FTCDNL1: variants seen among roughly 807,000 people sequenced by gnomAD.
FTCDNL1 encodes the protein formiminotransferase N-terminal subdomain-containing protein.
Under a neutral mutation model 5.9 loss-of-function variants are expected in FTCDNL1, and 11 were observed. The observed-to-expected ratio is 1.87, with a 90% CI of 1.18 to 3.10. FTCDNL1 has a LOEUF of 3.10. FTCDNL1 is among the 30% of genes most tolerant of loss of function. The pLI is 0.00. For missense variants in FTCDNL1, 115 were observed against 65.5 expected (o/e 1.76, Z -2.61); for synonymous variants, 58 against 24.8 (o/e 2.34, Z -3.99).
rs1161270369 is a variant in FTCDNL1, at chr2:199,809,563, A to G, written c.*3142T>C. The stretch of plus-strand genomic sequence containing the variant: ...TACTAAGGATTTAATTAAAATTGCC[A>G]TCATTGACACATAGCTTCTTTTAGT... On this transcript the variant is annotated 3_prime_UTR_variant, in exon 5 of 5. Transcript: ENST00000420128. Among the ~76,000 whole-genome samples the G allele has an allele frequency of 6.6e-6, 1 of 151,720 alleles. No homozygotes were observed. Among genetic ancestry groups the G allele is most frequent in the East Asian group, 1.9e-4 (1 of 5,160 alleles).
At chr2:199,830,075 A>G (rs1032731991) in intron 3 of FTCDNL1, among the ~76,000 whole-genome samples, 2 of 152,150 alleles carry the variant, frequency 1.3e-5, no homozygotes, top group Non-Finnish European at 2.9e-5. Context: ...TAAAAATTAA[A>G]CTGGGTGCTA....
chr2:199,840,758 T>A (rs1264034735), intron 3 of FTCDNL1, among the ~76,000 whole-genome samples: 1 of 152,084 alleles, frequency 6.6e-6, no homozygotes, highest in Non-Finnish European at 1.5e-5. Flanking sequence ...CTACAGTATG[T>A]GATTTTTAGC....
At chr2:199,758,361 C>T (rs188718983), downstream of FTCDNL1, among the ~76,000 whole-genome samples, 1 of 150,394 alleles carries the variant, frequency 6.6e-6, no homozygotes, top group Non-Finnish European at 1.5e-5. Flanking sequence ...ATATGCAATT[C>T]ATAGAATTGG....
At chr2:199,820,417 A>G (rs116717355) in intron 3 of FTCDNL1, among the ~76,000 whole-genome samples, 1 of 152,220 alleles carries the variant, frequency 6.6e-6, no homozygotes, top group African/African-American at 2.4e-5. Flanking sequence ...CAGCCTGGGC[A>G]ACATAGTTAG....
the FTCDNL1 span, among the ~76,000 whole-genome samples, chr2:199,697,862 C>A: frequency 6.6e-6 from 1 of 152,188 alleles, no homozygotes; most frequent in Non-Finnish European, 1.5e-5. Flanking sequence ...CAAGACCCAA[C>A]TGTATGCTGT....
At chr2:199,818,091 G>A (rs1369234364) in intron 4 of FTCDNL1, among the ~76,000 whole-genome samples, 1 of 152,172 alleles carries the variant, frequency 6.6e-6, no homozygotes, top group Non-Finnish European at 1.5e-5. Flanking sequence ...TTAACCTAAT[G>A]ATCTCACAGC....
intron 3 of FTCDNL1, among the ~76,000 whole-genome samples, chr2:199,765,556 A>ATATATATTTTTTT: frequency 4.0e-4 from 17 of 42,600 alleles, no homozygotes; most frequent in Non-Finnish European, 5.3e-4. Context: ...ATATATATAT[A>ATATATATTTTTTT]TTTTTTTTTT....
At chr2:199,694,883 A>T in the FTCDNL1 span, among the ~76,000 whole-genome samples, 1 of 152,148 alleles carries the variant, frequency 6.6e-6, no homozygotes, top group Non-Finnish European at 1.5e-5. Context: ...AACAGCAAGC[A>T]TTTATTTCTC....
rs74888875 is a variant in FTCDNL1 at position 199,825,815 on chromosome 2, A to G, written c.212-6058T>C. ...TTTCTTTATAGATTACCAGGTCTGGAGTATTCATTCATAGCAATGCAAATG... is the reference window on the plus strand; with the variant it reads ...TTTCTTTATAGATTACCAGGTCTGGGGTATTCATTCATAGCAATGCAAATG... On this transcript the variant is annotated intron_variant, in intron 3 of 4. Coordinates refer to ENST00000420128, the MANE Select transcript of FTCDNL1 (RefSeq NM_001363886.2). Among the ~76,000 whole-genome samples the G allele has an allele frequency of 1.4e-3, 214 of 152,338 alleles. 1 individual carries two copies. The highest frequency in any genetic ancestry group is 4.9e-3 in the African/African-American group (203 of 41,584).
chr2:199,717,380 T>C, the FTCDNL1 span, among the ~76,000 whole-genome samples: 1 of 152,266 alleles, frequency 6.6e-6, no homozygotes, highest in African/African-American at 2.4e-5. Flanking sequence ...TTCATCCTTA[T>C]TCTGTACCTT....
At chr2:199,727,985 A>C in the FTCDNL1 span, among the ~76,000 whole-genome samples, 1 of 152,030 alleles carries the variant, frequency 6.6e-6, no homozygotes, top group Admixed American at 6.5e-5. Context: ...TTGGCAGAAC[A>C]AGTTCATTGT....
At chr2:199,789,179 TAACACA>T (rs1259707266) in intron 3 of FTCDNL1, among the ~76,000 whole-genome samples, 8 of 151,994 alleles carry the variant, frequency 5.3e-5, no homozygotes, top group Non-Finnish European at 1.0e-4. Flanking sequence ...TGAAAGATGG[TAACACA>T]AAAATGAAAA....
At chr2:199,792,471 T>A (rs1026683819) in intron 3 of FTCDNL1, among the ~76,000 whole-genome samples, 3 of 152,148 alleles carry the variant, frequency 2.0e-5, no homozygotes, top group Non-Finnish European at 2.9e-5. Flanking sequence ...ACTGGTACTA[T>A]ACTTAGGGGG....
At chr2:199,785,134 G>A (rs990502650) in intron 3 of FTCDNL1, among the ~76,000 whole-genome samples, 2 of 150,922 alleles carry the variant, frequency 1.3e-5, no homozygotes, top group Non-Finnish European at 2.9e-5. Flanking sequence ...TTTATTGACT[G>A]TTTGGTTAGA....
the FTCDNL1 span, among the ~76,000 whole-genome samples, chr2:199,670,275 A>G: frequency 1.3e-5 from 2 of 152,220 alleles, no homozygotes; most frequent in East Asian, 3.9e-4. Flanking sequence ...AGTCACCTCT[A>G]AATGAAGTGG....
intron 3 of FTCDNL1, among the ~76,000 whole-genome samples, chr2:199,781,889 C>T (rs1428689477): frequency 6.6e-6 from 1 of 152,178 alleles, no homozygotes; most frequent in Non-Finnish European, 1.5e-5. Flanking sequence ...ACACCATTCT[C>T]CTGCCTCAGC....
intron 2 of FTCDNL1, 59 bp downstream of exon 2, chr2:199,848,789 A>T (rs1411895321): frequency 4.3e-6 from 3 of 692,894 alleles, no homozygotes; most frequent in Non-Finnish European, 7.9e-6. Context: ...GCACAGTACA[A>T]AAATTACTAA....
At chr2:199,834,560 G>T (rs1307540005) in intron 3 of FTCDNL1, among the ~76,000 whole-genome samples, 3 of 152,140 alleles carry the variant, frequency 2.0e-5, no homozygotes, top group Non-Finnish European at 4.4e-5. Flanking sequence ...GGCCTTGGCT[G>T]CCCGGTACTG....
intron 3 of FTCDNL1, among the ~76,000 whole-genome samples, chr2:199,836,147 T>C (rs752146627): frequency 3.9e-5 from 6 of 152,152 alleles, no homozygotes; most frequent in Non-Finnish European, 7.4e-5. Context: ...TTTATTCTTG[T>C]TGATATTTCT....
Sources: allele counts gnomAD v4.1 joint callset (sites outside exome capture counted in the v4.1 genomes callset), GRCh38; gene constraint gnomAD v4.1.1; transcripts MANE v1.5; gene names NCBI Gene and HGNC (gene_info 2026-07-23, HGNC 2026-07-21).